Variants in STK31 observed in about 807,000 individuals in gnomAD.
The protein encoded by STK31 is serine/threonine-protein kinase 31.
Under a neutral mutation model 129.7 loss-of-function variants are expected in STK31, and 89 were observed. That is an observed-to-expected ratio of 0.69 (90% CI 0.58 to 0.82). The LOEUF (loss-of-function observed/expected upper bound fraction) is 0.82. Among genes scored for constraint, STK31 ranks in the 40% least tolerant of loss-of-function variants. The pLI is 0.00. For synonymous variants in STK31, 448 were observed against 395.3 expected (o/e 1.13, Z -1.58); for missense variants, 1,187 against 1,176.4 (o/e 1.01, Z -0.13).
intron 23 of STK31, among the ~76,000 whole-genome samples, chr7:23,827,188 G>A (rs572982370): frequency 1.3e-5 from 2 of 152,340 alleles, no homozygotes; most frequent in East Asian, 1.9e-4. Context: ...ATGCTGAAGA[G>A]TGTTTTCCAA....
Position 23,762,915 on chromosome 7 carries a change from A to G in STK31, c.1408A>G (p.Thr470Ala), listed in dbSNP as rs769149338. Residue 470 changes from threonine to alanine, a missense_variant, in exon 11 of 24, where the codon ACA (threonine) becomes GCA (alanine). Thr to Ala is a moderately conservative substitution (Grantham distance 58). Coordinates refer to ENST00000355870, the MANE Select transcript of STK31 (RefSeq NM_031414.5). ...GTCATCTCTTAATAAACGCTTAAAAACATTGCAGGTTGGAATTAAAAATAT... is the reference window on the plus strand; with the variant it reads ...GTCATCTCTTAATAAACGCTTAAAAGCATTGCAGGTTGGAATTAAAAATAT... ...DESSLNKRLK[T>A]LQDLSVSLEA... The G allele has an allele frequency of 4.5e-6, 7 of 1,570,924 alleles. No homozygotes were observed. The African/African-American group carries it at 9.6e-5, about 22-fold the overall frequency.
At chr7:23,743,731 C>A (rs1430327950) in intron 8 of STK31, among the ~76,000 whole-genome samples, 1 of 152,032 alleles carries the variant, frequency 6.6e-6, no homozygotes, top group Admixed American at 6.6e-5. Context: ...AGTTTTTGAT[C>A]CCTTTTTTTC....
chr7:23,730,880 T>TATATATATATA (rs1562555173), intron 6 of STK31, among the ~76,000 whole-genome samples: 4 of 40,214 alleles, frequency 9.9e-5, no homozygotes, highest in African/African-American at 3.0e-4. Context: ...ATATATATAT[T>TATATATATATA]TTTTTTTTTT....
chr7:23,766,723 A>G (rs1352963955), intron 11 of STK31, among the ~76,000 whole-genome samples: 1 of 152,042 alleles, frequency 6.6e-6, no homozygotes, highest in African/African-American at 2.4e-5. Flanking sequence ...TATTTCTTTA[A>G]TTGTAGGTAA....
At chr7:23,753,122 A>G (rs1378319524) in intron 9 of STK31, among the ~76,000 whole-genome samples, 1 of 152,184 alleles carries the variant, frequency 6.6e-6, no homozygotes, top group Admixed American at 6.5e-5. Context: ...TACCATATCC[A>G]GTTATTTTGC....
Position 23,788,020 on chromosome 7 carries a change from A to T in STK31, c.2528A>T (p.His843Leu). Residue 843 changes from histidine (H) to leucine (L), a missense_variant, in exon 21 of 24, where the codon CAT becomes CTT. This residue lies in a region of STK31 where 975 missense variants were observed against 934.9 expected (regional missense o/e 1.04). Transcript: ENST00000355870. ...ATGAAAGGTGTTGCCCAGGGTCTGC[A>T]TACATTGCATAAGGCTGACATAATT... ...KVMKGVAQGL[H>L]TLHKADIIHG... is the part of the protein sequence containing the mutation. The T allele has an allele frequency of 1.9e-6, 3 of 1,610,282 alleles. No homozygotes were observed. In the South Asian group the frequency reaches 3.3e-5, roughly 18 times the overall value.
intron 16 of STK31, 116 bp downstream of exon 16, chr7:23,781,636 TTA>T: frequency 2.0e-5 from 13 of 644,784 alleles, no homozygotes; most frequent in Non-Finnish European, 2.6e-5. Flanking sequence ...TATAGAAAGT[TTA>T]TATATATATT....
chr7:23,717,482 G>A lies in STK31; in HGVS notation c.152G>A (p.Ser51Asn), dbSNP rs547825144. The A allele has an allele frequency of 2.5e-6, 4 of 1,597,086 alleles. No homozygotes were observed. In the South Asian group the frequency reaches 4.4e-5, roughly 18 times the overall value. The change falls in exon 4 of 24, where the codon AGT (serine) becomes AAT (asparagine). Residue 51 changes from serine to asparagine, a missense_variant and splice_region_variant. This residue lies in a region of STK31 where 104 missense variants were observed against 98.3 expected (regional missense o/e 1.06). Transcript: ENST00000355870. ...IEDAVTFWAQ[S>N]INRNKDIMKI... is the part of the protein sequence containing the mutation. ...TTATACTATATCTAATCTTTCTAGA[G>A]TATCAATAGAAATAAGGATATCATG...
At chr7:23,761,848 AATG>A (rs1789485963) in intron 10 of STK31, among the ~76,000 whole-genome samples, 1 of 146,228 alleles carries the variant, frequency 6.8e-6, no homozygotes, top group African/African-American at 2.5e-5. Flanking sequence ...ATAGTTTTAT[AATG>A]TATTTTATAG....
At chr7:23,748,991 G>A (rs566585836) in intron 8 of STK31, among the ~76,000 whole-genome samples, 1 of 152,242 alleles carries the variant, frequency 6.6e-6, no homozygotes, top group South Asian at 2.1e-4. Flanking sequence ...CAATTTATTG[G>A]TGTTGAGTTC....
Position 23,743,339 on chromosome 7 carries a change from G to A in STK31, c.1017+6261G>A, listed in dbSNP as rs531898314. ...TCTCTTGTAGGGATGGTCTAGTGCT[G>A]ATGAATTCCCTCAGCTTTTGCTTGC... On this transcript the variant is annotated intron_variant, in intron 8 of 23. Transcript: ENST00000355870. 1.8e-4 allele frequency among the ~76,000 whole-genome samples: 28 copies of A among 152,282 alleles called. 1 individual carries two copies. The highest frequency in any genetic ancestry group is 6.5e-4 in the Admixed American group (10 of 15,296).
At chr7:23,820,974 T>A (rs1366018220) in intron 23 of STK31, among the ~76,000 whole-genome samples, 1 of 152,232 alleles carries the variant, frequency 6.6e-6, no homozygotes, top group East Asian at 1.9e-4. Context: ...ACCTTTGTAA[T>A]TGTGAATAGT....
Position 23,730,875 on chromosome 7 carries a change from TATA to T in STK31, c.483+1627_483+1629del, listed in dbSNP as rs199944135. Among the ~76,000 whole-genome samples, 437 of 55,032 alleles carry T rather than the reference TATA, an allele frequency of 7.9e-3. 4 individuals are homozygous for T. The highest frequency in any genetic ancestry group is 0.017 in the South Asian group (23 of 1,326). The allele number at this position is 55,032 out of a possible 152,430, so 36.1% of individuals were successfully genotyped here. A position where few individuals can be genotyped will look rare whatever the true frequency, so the allele number is the denominator to read the frequency against. Reference sequence around the variant, plus strand: ...AAACATTTATATATATATATATATATATATTTTTTTTTTTTTTTTTTGGTTGGG... The same window carrying T: ...AAACATTTATATATATATATATATATTTTTTTTTTTTTTTTTTTGGTTGGG... On this transcript the variant is annotated intron_variant, in intron 6 of 23. Coordinates refer to ENST00000355870, the MANE Select transcript of STK31 (RefSeq NM_031414.5).
intron 21 of STK31, among the ~76,000 whole-genome samples, chr7:23,789,595 A>G (rs555732089): frequency 6.6e-6 from 1 of 152,106 alleles, no homozygotes; most frequent in Non-Finnish European, 1.5e-5. Flanking sequence ...TGCAACTGTA[A>G]TCAAAAGCTG....
chr7:23,774,874 T>C (rs1790441245), intron 15 of STK31, among the ~76,000 whole-genome samples: 1 of 152,230 alleles, frequency 6.6e-6, no homozygotes, highest in South Asian at 2.1e-4. Flanking sequence ...TGAATGGTAT[T>C]GCCTAGGTTT....
At chr7:23,739,955 G>A (rs1787957646) in intron 8 of STK31, among the ~76,000 whole-genome samples, 1 of 152,110 alleles carries the variant, frequency 6.6e-6, no homozygotes, top group South Asian at 2.1e-4. Flanking sequence ...TTGGCTATAC[G>A]GGCTCTTTTT....
intron 22 of STK31, among the ~76,000 whole-genome samples, chr7:23,795,075 G>C (rs62470070): frequency 6.6e-6 from 1 of 152,070 alleles, no homozygotes; most frequent in Non-Finnish European, 1.5e-5. Flanking sequence ...AATGTTAATC[G>C]CTAGGACAAT....
intron 4 of STK31, among the ~76,000 whole-genome samples, chr7:23,718,179 T>G (rs1197442201): frequency 6.6e-6 from 1 of 152,130 alleles, no homozygotes; most frequent in Non-Finnish European, 1.5e-5. Context: ...AAAACAAAAG[T>G]GAAGAAAACG....
chr7:23,718,741 TCTC>T (rs1786507263), intron 4 of STK31, among the ~76,000 whole-genome samples: 1 of 152,096 alleles, frequency 6.6e-6, no homozygotes, highest in East Asian at 1.9e-4. Context: ...ATCGATCTGT[TCTC>T]CTTTGATGGG....
Sources: allele counts gnomAD v4.1 joint callset (sites outside exome capture counted in the v4.1 genomes callset), GRCh38; gene constraint gnomAD v4.1.1; regional missense constraint gnomAD v4.1.1; transcripts MANE v1.5; gene names NCBI Gene and HGNC (gene_info 2026-07-23, HGNC 2026-07-21).